ZNF568: variants seen among roughly 807,000 people sequenced by gnomAD.
ZNF568 encodes the protein zinc finger protein 568.
A neutral mutation model predicts 18.1 loss-of-function variants in ZNF568; 11 were observed. The observed-to-expected ratio is 0.61, with a 90% CI of 0.38 to 1.00. The LOEUF is 1.00. ZNF568 is among the 50% of genes least tolerant of loss of function. The probability of loss-of-function intolerance (pLI) is 0.01; values close to 1 mark genes in which losing one functional copy is unlikely to be tolerated. For synonymous variants in ZNF568, 213 were observed against 246.6 expected, an observed-to-expected ratio of 0.86 and a Z score of 1.28; for missense variants, 639 against 768.2, an observed-to-expected ratio of 0.83 and a Z score of 1.99.
chr19:36,986,604 G>A (rs894909180), intron 2 of ZNF568, among the ~76,000 whole-genome samples: 3 of 152,118 alleles, frequency 2.0e-5, no homozygotes, highest in Non-Finnish European at 2.9e-5. Flanking sequence ...AGAGCCTGGT[G>A]TCCTATGATT....
intron 6 of ZNF568, among the ~76,000 whole-genome samples, chr19:36,966,737 T>G (rs530428104): frequency 4.6e-5 from 7 of 152,350 alleles, no homozygotes; most frequent in African/African-American, 1.7e-4. Context: ...TTCCTTGCTC[T>G]TGCTTCATGG....
intron 6 of ZNF568, among the ~76,000 whole-genome samples, chr19:36,948,658 A>ATTTTTTTTTTTTTGTTTTTTTTTTTT (rs2074005159): frequency 1.2e-5 from 1 of 83,576 alleles, no homozygotes; most frequent in Non-Finnish European, 2.2e-5. Flanking sequence ...TTTGTTGTTG[A>ATTTTTTTTTTTTTGTTTTTTTTTTTT]TTTTTTTTTT....
At chr19:36,989,432 C>T (rs1307022860) in intron 2 of ZNF568, among the ~76,000 whole-genome samples, 1 of 152,244 alleles carries the variant, frequency 6.6e-6, no homozygotes, top group African/African-American at 2.4e-5. Context: ...ATCCACCCAC[C>T]TCGGCCTCTC....
chr19:36,995,882 A>G (rs994752737), intron 4 of ZNF568, among the ~76,000 whole-genome samples: 3 of 152,198 alleles, frequency 2.0e-5, no homozygotes, highest in Non-Finnish European at 2.9e-5. Flanking sequence ...ATATTTATAC[A>G]TTATAAGCCA....
Position 36,919,465 on chromosome 19 carries a change from G to A in ZNF568, c.-186+1817G>A, listed in dbSNP as rs151270640. On this transcript the variant is annotated intron_variant, in intron 2 of 6. Transcript: ENST00000333987. ...GGGGGATGGGAGGGTTATGGTTTCA[G>A]GATGAAACTGTTGTCCCTCAAATCA... Among the ~76,000 whole-genome samples, 865 of 152,214 alleles carry A rather than the reference G, an allele frequency of 5.7e-3. 10 individuals carry two copies. Among genetic ancestry groups the A allele is most frequent in the African/African-American group, 0.02 (834 of 41,506 alleles).
chr19:36,971,781 C>T (rs920777032), intron 6 of ZNF568, among the ~76,000 whole-genome samples: 1 of 151,660 alleles, frequency 6.6e-6, no homozygotes, highest in Non-Finnish European at 1.5e-5. Context: ...TTGTGATCTG[C>T]CTGCCTCGGC....
chr19:36,997,675 C>T, downstream of ZNF568: 3 of 1,069,198 alleles, frequency 2.8e-6, no homozygotes, highest in Non-Finnish European at 4.2e-6. Context: ...GGCCTCACAC[C>T]TTAGTCAACA....
chr19:36,997,084 C>T lies in ZNF568; in HGVS notation c.997C>T (p.Gln333Ter), dbSNP rs2074482146. The change falls in exon 5 of 5, where the codon CAG (glutamine) becomes TAG (stop). Residue 333 changes from glutamine to a stop codon, truncating the protein, a stop_gained. Transcript: ENST00000433993. LOFTEE classifies it low-confidence loss of function (END_TRUNC). ...TGGAAAGGCTTTTCGTTATGACACA[C>T]AGCTGAGCCTTCATCAGATAATCCA... 5.1e-6 allele frequency: 8 copies of T among 1,565,160 alleles called. No homozygotes were observed. The highest frequency in any genetic ancestry group is 1.9e-5 in the Admixed American group (1 of 53,320).
chr19:36,940,962 A>G (rs1462767437), intron 6 of ZNF568, among the ~76,000 whole-genome samples: 1 of 152,222 alleles, frequency 6.6e-6, no homozygotes, highest in East Asian at 1.9e-4. Context: ...ATCAAGGATG[A>G]GTTTTCCATT....
rs2074057774 is a variant in ZNF568 at position 36,951,391 on chromosome 19, TGAAAA to T, written c.*307_*311del. 4.8e-6 allele frequency: 1 copy of T among 207,388 alleles called. No individual in the cohort carries two copies. The highest frequency in any genetic ancestry group is 2.3e-5 in the African/African-American group (1 of 43,358). 12.8% of individuals were successfully genotyped at this position (207,388 alleles called of 1,614,324 possible). A position where few individuals can be genotyped will look rare whatever the true frequency, so the allele number is the denominator to read the frequency against. The stretch of plus-strand genomic sequence containing the variant: ...AGTGTATGAATTGCTGCGACAATTT[TGAAAA>T]GAATAGAGGAAACACCCTCACTGTA... On this transcript the variant is annotated 3_prime_UTR_variant, in exon 7 of 7. Transcript: ENST00000333987.
At chr19:36,928,750 A>T (rs1165999516) in intron 4 of ZNF568, among the ~76,000 whole-genome samples, 1 of 152,200 alleles carries the variant, frequency 6.6e-6, no homozygotes, top group African/African-American at 2.4e-5. Context: ...GAAATGGAAG[A>T]ATGATGCTCA....
intron 4 of ZNF568, among the ~76,000 whole-genome samples, chr19:36,994,436 T>C (rs1267543473): frequency 6.6e-6 from 1 of 152,208 alleles, no homozygotes; most frequent in African/African-American, 2.4e-5. Flanking sequence ...TGGTTTATAG[T>C]GTTTTTCAAG....
intron 7 of ZNF568, chr19:36,976,497 A>G (rs1479296310): frequency 6.6e-6 from 1 of 151,944 alleles, no homozygotes; most frequent in Non-Finnish European, 1.5e-5. Context: ...TTTCTTTCCT[A>G]GTATATAAAG....
chr19:36,927,967 T>A, intron 4 of ZNF568, among the ~76,000 whole-genome samples: 1 of 136,308 alleles, frequency 7.3e-6, no homozygotes, highest in Non-Finnish European at 1.5e-5. Context: ...CAGGCTTGAG[T>A]GCAGTGACAC....
intron 4 of ZNF568, among the ~76,000 whole-genome samples, chr19:36,930,450 C>T (rs1174494804): frequency 1.3e-5 from 2 of 152,030 alleles, no homozygotes; most frequent in Non-Finnish European, 2.9e-5. Context: ...ACCTCGTGAT[C>T]CGCCCGCCTC....
Position 36,942,555 on chromosome 19 carries a change from C to T in ZNF568, c.358+5313C>T, listed in dbSNP as rs574033708. On this transcript the variant is annotated intron_variant, in intron 6 of 6. Transcript: ENST00000333987. Reference sequence around the variant, plus strand: ...CAGAGCTTGCAGTGAGCCGAGATCACGCCACTGCACTCCAGCCTGGGTGAC... The same window carrying T: ...CAGAGCTTGCAGTGAGCCGAGATCATGCCACTGCACTCCAGCCTGGGTGAC... Among the ~76,000 whole-genome samples, 336 of 145,246 alleles carry T rather than the reference C, an allele frequency of 2.3e-3. 2 individuals carry two copies. The highest frequency in any genetic ancestry group is 3.7e-3 in the Non-Finnish European group (247 of 66,884).
At chr19:36,963,690 C>T (rs116168098) in intron 6 of ZNF568, among the ~76,000 whole-genome samples, 7,519 of 152,004 alleles carry the variant, frequency 0.049, 267 homozygotes, top group African/African-American at 0.087. Flanking sequence ...CCAAGTTGGC[C>T]GGGCACAGTG....
At chr19:36,989,448 G>T (rs934119062) in intron 2 of ZNF568, among the ~76,000 whole-genome samples, 10 of 152,342 alleles carry the variant, frequency 6.6e-5, no homozygotes, top group African/African-American at 2.4e-4. Context: ...CTCTCAAAGT[G>T]CTGGGATTTA....
At chr19:36,981,704 A>C (rs1189670929), downstream of ZNF568, among the ~76,000 whole-genome samples, 1 of 151,960 alleles carries the variant, frequency 6.6e-6, no homozygotes, top group East Asian at 1.9e-4. Flanking sequence ...GTGAGACCCC[A>C]TCTCTACTAT....
Sources: gnomAD v4.1 joint callset for allele counts (sites outside exome capture counted in the v4.1 genomes callset) on GRCh38, gnomAD v4.1.1 for gene constraint, MANE v1.5 for transcripts, NCBI Gene and HGNC (gene_info 2026-07-23, HGNC 2026-07-21) for gene names.